EYA3: variants seen among roughly 807,000 people sequenced by gnomAD.
EYA3 encodes the protein EYA transcriptional coactivator and phosphatase 3.
A neutral mutation model predicts 80.0 loss-of-function variants in EYA3; 39 were observed. The observed-to-expected ratio is 0.49, with a 90% CI of 0.38 to 0.64. The LOEUF (loss-of-function observed/expected upper bound fraction) is 0.64, where lower values mean the gene tolerates loss of function less well. EYA3 is among the 30% of genes least tolerant of loss of function. EYA3 has a pLI of 0.00. For synonymous variants in EYA3, 206 were observed against 232.8 expected (o/e 0.88, Z 1.05); for missense variants, 523 against 676.1 (o/e 0.77, Z 2.51).
chr1:28,058,414 G>C (rs1297097959), intron 1 of EYA3, among the ~76,000 whole-genome samples: 7 of 152,144 alleles, frequency 4.6e-5, no homozygotes, highest in Non-Finnish European at 7.4e-5. Flanking sequence ...AAGGATTAGA[G>C]TTACACTAAA....
At chr1:28,021,233 G>A (rs1021574194) in intron 7 of EYA3, among the ~76,000 whole-genome samples, 54 of 152,092 alleles carry the variant, frequency 3.6e-4, no homozygotes, top group African/African-American at 1.2e-3. Flanking sequence ...GAGGACTTTT[G>A]CAATATTGTT....
At chr1:28,003,643 A>G (rs1329798653) in intron 11 of EYA3, among the ~76,000 whole-genome samples, 1 of 152,182 alleles carries the variant, frequency 6.6e-6, no homozygotes, top group Non-Finnish European at 1.5e-5. Context: ...CCTAGGCTCA[A>G]GCAATCTTCC....
At chr1:28,043,803 A>C (rs1330553298) in intron 3 of EYA3, among the ~76,000 whole-genome samples, 1 of 152,200 alleles carries the variant, frequency 6.6e-6, no homozygotes, top group East Asian at 1.9e-4. Context: ...GCACTACTGC[A>C]CTCCTGCCTA....
chr1:28,027,286 A>G (rs909403660), intron 7 of EYA3, among the ~76,000 whole-genome samples: 4 of 152,240 alleles, frequency 2.6e-5, no homozygotes, highest in Non-Finnish European at 4.4e-5. Flanking sequence ...CTTAAGCTTT[A>G]ATACTATGCT....
chr1:27,983,001 T>A (rs1489792466), intron 16 of EYA3, among the ~76,000 whole-genome samples: 1 of 152,248 alleles, frequency 6.6e-6, no homozygotes, highest in East Asian at 1.9e-4. Context: ...AATTATTTTC[T>A]ATGATAAGCA....
At chr1:27,984,467 T>G (rs1186931204) in intron 16 of EYA3, among the ~76,000 whole-genome samples, 1 of 152,166 alleles carries the variant, frequency 6.6e-6, no homozygotes, top group Non-Finnish European at 1.5e-5. Flanking sequence ...CTCTTCTATA[T>G]TTTCTCCTAA....
At chr1:28,047,930 T>C (rs1644086574) in intron 3 of EYA3, among the ~76,000 whole-genome samples, 1 of 152,182 alleles carries the variant, frequency 6.6e-6, no homozygotes, top group Admixed American at 6.5e-5. Flanking sequence ...TGAGCGACCG[T>C]GCCAGGCGCA....
rs1425903939 is a variant in EYA3 at position 28,010,855 on chromosome 1, C to T, written c.909+92G>A. Reference sequence around the variant, plus strand: ...GAATTAAAGGGCACATAACATAGTGCACATTATCTCTGTGAGCTTCAAAAA... The same window carrying T: ...GAATTAAAGGGCACATAACATAGTGTACATTATCTCTGTGAGCTTCAAAAA... On this transcript the variant is annotated intron_variant, in intron 10 of 17. Coordinates refer to ENST00000373871, the MANE Select transcript of EYA3 (RefSeq NM_001990.4). 4.1e-6 allele frequency: 6 copies of T among 1,453,226 alleles called. No homozygotes were observed. The East Asian group carries it at 1.4e-4, about 33-fold the overall frequency. The allele number at this position is 1,453,226 out of a possible 1,614,324, so 90.0% of individuals were successfully genotyped here.
chr1:28,057,096 GAAT>G (rs1318854570), intron 2 of EYA3, among the ~76,000 whole-genome samples: 2 of 151,972 alleles, frequency 1.3e-5, no homozygotes, highest in Admixed American at 6.6e-5. Context: ...AGGGCTAGAA[GAAT>G]AATGACAAAG....
intron 7 of EYA3, among the ~76,000 whole-genome samples, chr1:28,022,487 A>G (rs950107965): frequency 1.3e-5 from 2 of 152,192 alleles, no homozygotes; most frequent in Non-Finnish European, 2.9e-5. Context: ...TTTCAGATCA[A>G]TAAGGGACAG....
intron 1 of EYA3, among the ~76,000 whole-genome samples, chr1:28,076,186 T>C (rs954579389): frequency 1.3e-5 from 2 of 152,204 alleles, no homozygotes; most frequent in South Asian, 2.1e-4. Flanking sequence ...ATACCTTCCA[T>C]AAATAAATAG....
At chr1:28,080,670 A>C (rs1645390572) in intron 1 of EYA3, among the ~76,000 whole-genome samples, 1 of 152,074 alleles carries the variant, frequency 6.6e-6, no homozygotes, top group Admixed American at 6.6e-5. Context: ...GAAAAAAAAA[A>C]AAAATGGCCA....
At chr1:28,045,791 C>CA (rs1436521199) in intron 3 of EYA3, among the ~76,000 whole-genome samples, 1 of 151,802 alleles carries the variant, frequency 6.6e-6, no homozygotes, top group African/African-American at 2.4e-5. Flanking sequence ...ATAAAATGAC[C>CA]AAAAAAACCC....
chr1:28,024,004 C>T (rs1378473457), intron 7 of EYA3, among the ~76,000 whole-genome samples: 2 of 152,066 alleles, frequency 1.3e-5, no homozygotes, highest in Admixed American at 6.6e-5. Flanking sequence ...TTTGGGAAGC[C>T]GAGGCAGGCG....
intron 1 of EYA3, among the ~76,000 whole-genome samples, chr1:28,087,314 G>T (rs888268460): frequency 6.6e-6 from 1 of 151,712 alleles, no homozygotes; most frequent in African/African-American, 2.4e-5. Context: ...ATGAGAAAAT[G>T]ATAGTTTTAC....
intron 10 of EYA3, among the ~76,000 whole-genome samples, chr1:28,006,576 C>T (rs1038773589): frequency 2.0e-5 from 3 of 151,940 alleles, no homozygotes; most frequent in African/African-American, 4.8e-5. Context: ...TGTGGTGGCA[C>T]GCGCCTGTAA....
intron 10 of EYA3, among the ~76,000 whole-genome samples, chr1:28,004,710 T>C (rs1036416174): frequency 1.3e-5 from 2 of 151,854 alleles, no homozygotes. Context: ...CATATATATA[T>C]GTATTTTATA....
At chr1:28,053,602 G>T in intron 2 of EYA3, among the ~76,000 whole-genome samples, 1 of 152,160 alleles carries the variant, frequency 6.6e-6, no homozygotes, top group South Asian at 2.1e-4. Context: ...ACTTCATAGG[G>T]CTCATGTTTC....
chr1:28,068,784 G>T (rs925686370), intron 1 of EYA3, among the ~76,000 whole-genome samples: 3 of 151,956 alleles, frequency 2.0e-5, no homozygotes, highest in Admixed American at 6.6e-5. Flanking sequence ...GATTTACTGG[G>T]TTTTTTTGTT....
Sources: allele counts gnomAD v4.1 joint callset (sites outside exome capture counted in the v4.1 genomes callset), GRCh38; gene constraint gnomAD v4.1.1; transcripts MANE v1.5; gene names NCBI Gene and HGNC (gene_info 2026-07-23, HGNC 2026-07-21).